Variants in ELAPOR2 observed in about 807,000 individuals in gnomAD.
ELAPOR2 encodes endosome/lysosome-associated apoptosis and autophagy regulator family member 2.
ELAPOR2 carries 89 observed loss-of-function variants against 120.7 expected under a neutral mutation model. That is an observed-to-expected ratio of 0.74 (90% CI 0.62 to 0.88). The LOEUF (loss-of-function observed/expected upper bound fraction) is 0.88, where lower values mean the gene tolerates loss of function less well. Among genes scored for constraint, ELAPOR2 ranks in the 40% least tolerant of loss-of-function variants. ELAPOR2 has a pLI of 0.00. For missense variants in ELAPOR2, 1,134 were observed against 1,251.6 expected (o/e 0.91, Z 1.42); for synonymous variants, 444 against 444.9 (o/e 1.00, Z 0.03).
intron 1 of ELAPOR2, among the ~76,000 whole-genome samples, chr7:87,044,120 T>C (rs1260158503): frequency 8.3e-6 from 1 of 120,600 alleles, no homozygotes; most frequent in Non-Finnish European, 1.7e-5. Flanking sequence ...TACAAACAAA[T>C]GGAAGAACAT....
intron 1 of ELAPOR2, among the ~76,000 whole-genome samples, chr7:86,999,715 C>T (rs1263897705): frequency 6.6e-6 from 1 of 152,044 alleles, no homozygotes; most frequent in Non-Finnish European, 1.5e-5. Flanking sequence ...GCAGTTTCAG[C>T]CCCATATTTT....
chr7:86,893,222 C>T, intron 19 of ELAPOR2, 122 bp from the exon 20 acceptor site: 1 of 718,552 alleles, frequency 1.4e-6, no homozygotes, highest in Non-Finnish European at 2.2e-6. Context: ...TTTGCTAACC[C>T]TTTACTTACA....
At chr7:87,012,874 A>G (rs1174964988) in intron 1 of ELAPOR2, among the ~76,000 whole-genome samples, 1 of 152,230 alleles carries the variant, frequency 6.6e-6, no homozygotes, top group East Asian at 1.9e-4. Flanking sequence ...TGACCAGCAA[A>G]GCACTATTCT....
chr7:87,020,142 G>GTACACA (rs1315802674), intron 1 of ELAPOR2, among the ~76,000 whole-genome samples: 5 of 151,870 alleles, frequency 3.3e-5, no homozygotes, highest in African/African-American at 1.2e-4. Flanking sequence ...CACAGCTATG[G>GTACACA]GTTTTAATAC....
At chr7:87,005,722 G>C (rs1196399811) in intron 1 of ELAPOR2, among the ~76,000 whole-genome samples, 1 of 152,054 alleles carries the variant, frequency 6.6e-6, no homozygotes, top group Non-Finnish European at 1.5e-5. Context: ...TATCCAAATG[G>C]AGAAATAAAC....
chr7:86,938,105 T>C, intron 8 of ELAPOR2, 21 bp downstream of exon 8: 2 of 1,530,866 alleles, frequency 1.3e-6, no homozygotes, highest in Non-Finnish European at 1.8e-6. Flanking sequence ...TGGGATGGAG[T>C]TGATGCAACA....
rs1440691256 is a variant in ELAPOR2, at chr7:87,059,634, C to G, written c.-121G>C. On this transcript the variant is annotated 5_prime_UTR_variant, in exon 1 of 22. Transcript: ENST00000450689. ...TCTCGCCGCTCCGTCACCCGCTGCCCGTCCGCCCGCTGACAGCTCTGCTGC... is the reference window on the plus strand; with the variant it reads ...TCTCGCCGCTCCGTCACCCGCTGCCGGTCCGCCCGCTGACAGCTCTGCTGC... The G allele has an allele frequency of 3.8e-6, 4 of 1,042,880 alleles. No homozygotes were observed. The highest frequency in any genetic ancestry group is 1.7e-5 in the African/African-American group (1 of 58,704). The allele number at this position is 1,042,880 out of a possible 1,614,324, so 64.6% of individuals were successfully genotyped here.
intron 1 of ELAPOR2, among the ~76,000 whole-genome samples, chr7:87,021,727 A>C (rs1015297850): frequency 7.2e-5 from 11 of 152,288 alleles, no homozygotes; most frequent in Admixed American, 2.0e-4. Context: ...ACCTCTCTTT[A>C]ACACATTTAT....
At chr7:86,925,759 A>C in intron 9 of ELAPOR2, 103 bp from the exon 10 acceptor site, 1 of 1,095,562 alleles carries the variant, frequency 9.1e-7, no homozygotes, top group Non-Finnish European at 1.4e-6. Flanking sequence ...CAGGGAGAGA[A>C]GTGGAAAAAA....
intron 2 of ELAPOR2, among the ~76,000 whole-genome samples, chr7:86,949,126 G>A (rs1240024861): frequency 6.6e-6 from 1 of 152,114 alleles, no homozygotes; most frequent in Non-Finnish European, 1.5e-5. Context: ...GCTGTACAAT[G>A]AACTTCTACA....
At chr7:86,941,945 AAAG>A in intron 5 of ELAPOR2, 70 bp downstream of exon 5, 1 of 832,782 alleles carries the variant, frequency 1.2e-6, no homozygotes, top group Non-Finnish European at 2.0e-6. Flanking sequence ...GGAAGTTGGG[AAAG>A]AAGAAAAGGT....
At chr7:86,891,365 A>G (rs1432663241) in intron 21 of ELAPOR2, 1 of 161,976 alleles carries the variant, frequency 6.2e-6, no homozygotes, top group Non-Finnish European at 1.3e-5. Context: ...ACAAACATAA[A>G]TGTATATTTA....
At chr7:86,886,048 C>G (rs1799673604) in intron 21 of ELAPOR2, among the ~76,000 whole-genome samples, 1 of 152,060 alleles carries the variant, frequency 6.6e-6, no homozygotes, top group Non-Finnish European at 1.5e-5. Flanking sequence ...TAAATTAGGT[C>G]CTTTTGGTGT....
intron 1 of ELAPOR2, among the ~76,000 whole-genome samples, chr7:86,969,832 A>G (rs993505162): frequency 1.3e-5 from 2 of 152,214 alleles, no homozygotes; most frequent in African/African-American, 4.8e-5. Flanking sequence ...CTATTTTATT[A>G]TGATTTCAAA....
At chr7:87,019,293 A>G (rs958832071) in intron 1 of ELAPOR2, among the ~76,000 whole-genome samples, 3 of 152,188 alleles carry the variant, frequency 2.0e-5, no homozygotes, top group African/African-American at 7.2e-5. Context: ...CCTCCTGAGT[A>G]GCTGGGACCA....
intron 1 of ELAPOR2, among the ~76,000 whole-genome samples, chr7:87,022,713 T>C (rs557613553): frequency 1.2e-4 from 18 of 151,144 alleles, no homozygotes; most frequent in Admixed American, 6.6e-4. Flanking sequence ...AAAGTGTTCC[T>C]ATTTCTCCAC....
At chr7:87,031,603 C>A (rs954043022) in intron 1 of ELAPOR2, among the ~76,000 whole-genome samples, 1 of 152,056 alleles carries the variant, frequency 6.6e-6, no homozygotes, top group South Asian at 2.1e-4. Context: ...CAAAGAATCA[C>A]CTACAGGAAT....
At chr7:86,998,912 T>C (rs1793217240) in intron 1 of ELAPOR2, among the ~76,000 whole-genome samples, 1 of 151,922 alleles carries the variant, frequency 6.6e-6, no homozygotes, top group Non-Finnish European at 1.5e-5. Flanking sequence ...AACATCAAGC[T>C]ATAGATATAG....
At chr7:86,963,357 C>T (rs1455590330) in intron 2 of ELAPOR2, among the ~76,000 whole-genome samples, 2 of 152,086 alleles carry the variant, frequency 1.3e-5, no homozygotes, top group Non-Finnish European at 2.9e-5. Flanking sequence ...AGATTTTTGA[C>T]CCCTAGCCAA....
Sources: gnomAD v4.1 joint callset for allele counts (sites outside exome capture counted in the v4.1 genomes callset) on GRCh38, gnomAD v4.1.1 for gene constraint, MANE v1.5 for transcripts, NCBI Gene and HGNC (gene_info 2026-07-23, HGNC 2026-07-21) for gene names.